The following MTRF1 variants were observed in gnomAD, a reference collection of about 807,000 sequenced individuals.
MTRF1 encodes mitochondrial translation release factor 1, also known as peptide chain release factor 1, mitochondrial.
Under a neutral mutation model 62.9 loss-of-function variants are expected in MTRF1, and 51 were observed. That is an observed-to-expected ratio of 0.81 (90% confidence interval 0.65 to 1.02). MTRF1 has a LOEUF of 1.02. Ranked by LOEUF, MTRF1 falls within the 50% of genes least tolerant of loss-of-function variation. The pLI is 0.00. For synonymous variants in MTRF1, 158 were observed against 181.9 expected, an observed-to-expected ratio of 0.87 and a Z score of 1.06; for missense variants, 446 against 530.0, an observed-to-expected ratio of 0.84 and a Z score of 1.56.
chr13:41,299,751 T>G, the MTRF1 span, among the ~76,000 whole-genome samples: 1 of 151,864 alleles, frequency 6.6e-6, no homozygotes, highest in African/African-American at 2.4e-5. Flanking sequence ...TTTTTTTCAG[T>G]GATAAACTGA....
chr13:41,311,745 G>C, the MTRF1 span, among the ~76,000 whole-genome samples: 1 of 152,200 alleles, frequency 6.6e-6, no homozygotes, highest in Admixed American at 6.5e-5. Flanking sequence ...CGCTCCGGCC[G>C]GCCCACGGGG....
the MTRF1 span, among the ~76,000 whole-genome samples, chr13:41,296,222 A>C: frequency 6.6e-6 from 1 of 152,036 alleles, no homozygotes; most frequent in Non-Finnish European, 1.5e-5. Context: ...CTGGGACTAA[A>C]GGTATGAGCC....
At chr13:41,256,533 G>GC (rs766372803) in intron 2 of MTRF1, among the ~76,000 whole-genome samples, 2 of 151,934 alleles carry the variant, frequency 1.3e-5, no homozygotes, top group Non-Finnish European at 2.9e-5. Flanking sequence ...CACCATGTTG[G>GC]CAGGCTGGTC....
intron 5 of MTRF1, among the ~76,000 whole-genome samples, chr13:41,240,718 T>G (rs1566113392): frequency 2.0e-5 from 3 of 152,188 alleles, no homozygotes; most frequent in Admixed American, 6.5e-5. Flanking sequence ...TACCAAAATA[T>G]TATTTCGTTA....
the MTRF1 span, among the ~76,000 whole-genome samples, chr13:41,275,286 C>T: frequency 1.3e-5 from 2 of 148,282 alleles, no homozygotes; most frequent in Admixed American, 6.7e-5. Flanking sequence ...CTGCAAGCTC[C>T]GCCTCCCGGG....
the MTRF1 span, among the ~76,000 whole-genome samples, chr13:41,303,748 C>T: frequency 6.6e-6 from 1 of 152,192 alleles, no homozygotes; most frequent in Non-Finnish European, 1.5e-5. Flanking sequence ...CGTTTACTAA[C>T]AGACCCAGAC....
intron 8 of MTRF1, among the ~76,000 whole-genome samples, chr13:41,224,833 A>G (rs925715276): frequency 2.0e-5 from 3 of 152,220 alleles, no homozygotes; most frequent in African/African-American, 4.8e-5. Context: ...AGAGGCAGTG[A>G]CGTCTTTTTT....
At chr13:41,277,977 A>G in the MTRF1 span, among the ~76,000 whole-genome samples, 2 of 152,194 alleles carry the variant, frequency 1.3e-5, no homozygotes, top group African/African-American at 4.8e-5. Context: ...TCCACTCACA[A>G]ATCTCTTACG....
At chr13:41,259,159 G>A (rs1247582540) in intron 2 of MTRF1, among the ~76,000 whole-genome samples, 2 of 152,318 alleles carry the variant, frequency 1.3e-5, no homozygotes, top group South Asian at 2.1e-4. Flanking sequence ...CTCATACACT[G>A]TGTGTAGAGC....
the MTRF1 span, among the ~76,000 whole-genome samples, chr13:41,275,321 C>G: frequency 6.6e-6 from 1 of 151,788 alleles, no homozygotes; most frequent in African/African-American, 2.4e-5. Flanking sequence ...TTGCCTCAGT[C>G]TCCCAAGTAG....
the MTRF1 span, among the ~76,000 whole-genome samples, chr13:41,296,908 G>A: frequency 6.6e-6 from 1 of 151,872 alleles, no homozygotes; most frequent in Non-Finnish European, 1.5e-5. Flanking sequence ...TTTTAATCAT[G>A]GCTATTCTAA....
the MTRF1 span, among the ~76,000 whole-genome samples, chr13:41,305,650 C>G: frequency 1.2e-3 from 188 of 152,290 alleles, 2 homozygotes; most frequent in African/African-American, 4.0e-3. Flanking sequence ...TGCATTAGGG[C>G]ATTTGCCTGT....
At chr13:41,232,489 T>C (rs1006311201) in intron 7 of MTRF1, among the ~76,000 whole-genome samples, 2 of 152,116 alleles carry the variant, frequency 1.3e-5, no homozygotes, top group Non-Finnish European at 2.9e-5. Flanking sequence ...AAGCAACAAA[T>C]ACAAGGAATG....
chr13:41,297,845 G>A, the MTRF1 span, among the ~76,000 whole-genome samples: 1 of 151,920 alleles, frequency 6.6e-6, no homozygotes, highest in Non-Finnish European at 1.5e-5. Context: ...CAAAGTGCTG[G>A]GATTACAGGT....
At chr13:41,291,162 G>C in the MTRF1 span, among the ~76,000 whole-genome samples, 1 of 151,676 alleles carries the variant, frequency 6.6e-6, no homozygotes, top group Non-Finnish European at 1.5e-5. Flanking sequence ...TAAATAAAAG[G>C]ATACCAGAAA....
chr13:41,288,442 G>A, the MTRF1 span: 7 of 171,754 alleles, frequency 4.1e-5, no homozygotes, highest in South Asian at 9.3e-4. Context: ...CAAGGTCGTT[G>A]TCCATGCCAC....
At chr13:41,231,462 C>T (rs1049372611) in intron 7 of MTRF1, among the ~76,000 whole-genome samples, 8 of 152,090 alleles carry the variant, frequency 5.3e-5, no homozygotes, top group African/African-American at 4.8e-5. Flanking sequence ...GGAGTATGGG[C>T]GGGAAGACAA....
chr13:41,271,421 T>C, the MTRF1 span, among the ~76,000 whole-genome samples: 1 of 152,184 alleles, frequency 6.6e-6, no homozygotes, highest in African/African-American at 2.4e-5. Context: ...TCTTAGAGTA[T>C]TTGTTTCCCA....
chr13:41,299,151 C>G, the MTRF1 span, among the ~76,000 whole-genome samples: 1 of 150,808 alleles, frequency 6.6e-6, no homozygotes, highest in South Asian at 2.1e-4. Flanking sequence ...CGAGATCATG[C>G]CACTGCACTC....
Sources: allele counts gnomAD v4.1 joint callset (sites outside exome capture counted in the v4.1 genomes callset), GRCh38; gene constraint gnomAD v4.1.1; transcripts MANE v1.5; gene names NCBI Gene and HGNC (gene_info 2026-07-23, HGNC 2026-07-21).